The following TMEM132B variants were observed in gnomAD, a reference collection of about 807,000 sequenced individuals.
TMEM132B encodes the protein transmembrane protein 132B.
Under a neutral mutation model 90.8 loss-of-function variants are expected in TMEM132B, and 18 were observed. The ratio of observed to expected loss-of-function variants is 0.20; its 90% confidence interval spans 0.14 to 0.29. The LOEUF (loss-of-function observed/expected upper bound fraction) is 0.29, where lower values mean the gene tolerates loss of function less well. Ranked by LOEUF, TMEM132B falls within the 10% of genes least tolerant of loss-of-function variation. The probability of loss-of-function intolerance (pLI) is 1.00; values close to 1 mark genes in which losing one functional copy is unlikely to be tolerated. For synonymous variants in TMEM132B, 504 were observed against 523.3 expected, an observed-to-expected ratio of 0.96 and a Z score of 0.50; for missense variants, 1,096 against 1,326.8, an observed-to-expected ratio of 0.83 and a Z score of 2.70.
intron 2 of TMEM132B, among the ~76,000 whole-genome samples, chr12:125,357,147 GA>G (rs920863393): frequency 2.0e-5 from 3 of 152,144 alleles, no homozygotes; most frequent in Admixed American, 2.0e-4. Flanking sequence ...CAATGGCAAT[GA>G]ATAAATGAAT....
chr12:125,506,210 G>A (rs1477296646), intron 3 of TMEM132B, among the ~76,000 whole-genome samples: 4 of 152,142 alleles, frequency 2.6e-5, no homozygotes, highest in Admixed American at 2.6e-4. Flanking sequence ...GCTACTGATG[G>A]GCACACAAAC....
chr12:125,189,241 G>A (rs977173281), intron 1 of TMEM132B, among the ~76,000 whole-genome samples: 1 of 152,200 alleles, frequency 6.6e-6, no homozygotes, highest in African/African-American at 2.4e-5. Flanking sequence ...AGCGACTAGG[G>A]GGCCCCTATT....
At position 125,349,860 on chromosome 12, in the gene TMEM132B, A is replaced by T. The variant is rs1299211503; in HGVS notation, c.476A>T (p.Glu159Val). The T allele has an allele frequency of 1.2e-6, 2 of 1,613,562 alleles. No homozygotes were observed. Among genetic ancestry groups the T allele is most frequent in the Admixed American group, 1.7e-5 (1 of 59,984 alleles). Residue 159 changes from glutamate (E) to valine (V), a missense_variant, in exon 2 of 9, where the codon GAA becomes GTA. By Grantham distance (121) the Glu-to-Val change is moderately radical. Transcript: ENST00000682704. The surrounding 1 kb of genome is among the most constrained non-coding windows in gnomAD (Gnocchi z 4.1). ...GGCTGGGATGACAGTGACCTTACGG[A>T]AGATCTACCCTGTGTCAAGATGTTT... is the stretch of plus-strand genomic sequence containing the variant. ...GMGWDDSDLT[E>V]DLPCVKMFAF...
intron 3 of TMEM132B, among the ~76,000 whole-genome samples, chr12:125,434,342 CTT>C (rs1880635994): frequency 6.6e-6 from 1 of 152,340 alleles, no homozygotes; most frequent in African/African-American, 2.4e-5. Context: ...TGCAAAGTCC[CTT>C]TGACCATGTA....
chr12:125,461,684 A>G (rs537409888), intron 3 of TMEM132B, among the ~76,000 whole-genome samples: 1 of 152,328 alleles, frequency 6.6e-6, no homozygotes, highest in Admixed American at 6.5e-5. Flanking sequence ...ACTGGTTGTA[A>G]GCGGCTCTTT....
Position 125,642,273 on chromosome 12 carries a change from A to G in TMEM132B, c.1438-1803A>G, listed in dbSNP as rs187758976. On this transcript the variant is annotated intron_variant, in intron 5 of 8. Transcript: ENST00000682704. ...ACTCCATTTTCTTCTCTGAATGGAG[A>G]TCTTGTTCTGATTATTCTCTTTACA... is the stretch of plus-strand genomic sequence containing the variant. 2.4e-3 allele frequency among the ~76,000 whole-genome samples: 371 copies of G among 152,274 alleles called. 2 individuals are homozygous for G. Among genetic ancestry groups the G allele is most frequent in the African/African-American group, 7.6e-3 (314 of 41,558 alleles).
At chr12:125,574,973 G>C (rs1321214493) in intron 4 of TMEM132B, among the ~76,000 whole-genome samples, 2 of 146,398 alleles carry the variant, frequency 1.4e-5, no homozygotes, top group African/African-American at 5.0e-5. Context: ...GCTTTCAGTT[G>C]ATCCACAAGG....
At chr12:125,574,127 T>G (rs1480005998) in intron 4 of TMEM132B, among the ~76,000 whole-genome samples, 1 of 152,064 alleles carries the variant, frequency 6.6e-6, no homozygotes, top group Non-Finnish European at 1.5e-5. Flanking sequence ...GGCATCTCTC[T>G]CAGTAAAGAT....
intron 2 of TMEM132B, among the ~76,000 whole-genome samples, chr12:125,372,784 T>A (rs953536622): frequency 1.3e-5 from 2 of 152,172 alleles, no homozygotes; most frequent in Non-Finnish European, 2.9e-5. Context: ...CCAAGCTGCA[T>A]GTTCATGACG....
chr12:125,443,670 A>G (rs1247109758), intron 3 of TMEM132B, among the ~76,000 whole-genome samples: 1 of 152,224 alleles, frequency 6.6e-6, no homozygotes, highest in African/African-American at 2.4e-5. Context: ...ATTGAAATGG[A>G]AACATTATAA....
chr12:125,587,768 A>C lies in TMEM132B; in HGVS notation c.1437+3774A>C, dbSNP rs991822038. On this transcript the variant is annotated intron_variant, in intron 5 of 8. Coordinates refer to ENST00000682704, the MANE Select transcript of TMEM132B (RefSeq NM_001366854.1). ...TCCAGTCTCTAAAAATAAATAAGCA[A>C]CAAATGATAGACTTCACTCTCTCAC... 3.3e-5 allele frequency: 5 copies of C among 152,346 alleles called. No individual in the cohort carries two copies. In the East Asian group the frequency reaches 7.7e-4, roughly 23 times the overall value. 9.4% of individuals were successfully genotyped at this position (152,346 alleles called of 1,614,324 possible).
At chr12:125,398,799 C>T (rs1428449904) in intron 2 of TMEM132B, among the ~76,000 whole-genome samples, 2 of 152,182 alleles carry the variant, frequency 1.3e-5, no homozygotes, top group East Asian at 1.9e-4. Context: ...TTTATTATCT[C>T]ATCGTTTCTG....
chr12:125,407,782 G>A lies in TMEM132B; in HGVS notation c.960-7749G>A, dbSNP rs1356462614. 1.3e-5 allele frequency among the ~76,000 whole-genome samples: 2 copies of A among 152,194 alleles called. No individual in the cohort carries two copies. The highest frequency in any genetic ancestry group is 1.5e-5 in the Non-Finnish European group (1 of 68,032). ...TGTGTGTCTGGGGTGGTGACATTTG[G>A]GTTCACCTGGAGACCTACCAGTGAA... On this transcript the variant is annotated intron_variant, in intron 2 of 8. Coordinates refer to ENST00000682704, the MANE Select transcript of TMEM132B (RefSeq NM_001366854.1). The surrounding 1 kb of genome is among the most constrained non-coding windows in gnomAD (Gnocchi z 6.7).
chr12:125,332,756 A>C (rs1876824358), intron 1 of TMEM132B, among the ~76,000 whole-genome samples: 2 of 151,930 alleles, frequency 1.3e-5, no homozygotes, highest in African/African-American at 4.8e-5. Context: ...AGATTCACTA[A>C]AGTGGCTTCT....
chr12:125,370,329 G>GT (rs1187313143), intron 2 of TMEM132B, among the ~76,000 whole-genome samples: 3 of 152,230 alleles, frequency 2.0e-5, no homozygotes, highest in Non-Finnish European at 4.4e-5. Flanking sequence ...AGCCGCTGCA[G>GT]TTGTAGTCAT....
intron 1 of TMEM132B, among the ~76,000 whole-genome samples, chr12:125,314,085 G>T (rs139839002): frequency 6.6e-6 from 1 of 152,038 alleles, no homozygotes; most frequent in Admixed American, 6.5e-5. Context: ...CCTGGGCGGC[G>T]TGCGAACTCA....
At chr12:125,331,186 G>T (rs958671587) in intron 1 of TMEM132B, among the ~76,000 whole-genome samples, 1 of 152,236 alleles carries the variant, frequency 6.6e-6, no homozygotes, top group African/African-American at 2.4e-5. Flanking sequence ...CCTGGTCCGG[G>T]TGGGCTCAGT....
Position 125,315,442 on chromosome 12 carries a change from G to A in TMEM132B, c.68-34010G>A, listed in dbSNP as rs188976743. On this transcript the variant is annotated intron_variant, in intron 1 of 8. Coordinates refer to ENST00000682704, the MANE Select transcript of TMEM132B (RefSeq NM_001366854.1). The stretch of plus-strand genomic sequence containing the variant: ...TCGAACTCCTGACCTCAAGTGATCC[G>A]CCTGCCTCGGCCTCCCAAAGTGCTG... Among the ~76,000 whole-genome samples, 18 of 152,208 alleles carry A rather than the reference G, an allele frequency of 1.2e-4. No individual in the cohort carries two copies. In the East Asian group the frequency reaches 2.7e-3, roughly 23 times the overall value.
intron 1 of TMEM132B, among the ~76,000 whole-genome samples, chr12:125,191,608 T>C (rs946972936): frequency 6.6e-6 from 1 of 152,104 alleles, no homozygotes; most frequent in African/African-American, 2.4e-5. Context: ...CTTTGCCGAG[T>C]CTTTCACTTC....
Sources: gnomAD v4.1 joint callset for allele counts (sites outside exome capture counted in the v4.1 genomes callset) on GRCh38, gnomAD v4.1.1 for gene constraint, Gnocchi (gnomAD v3.1) non-coding constraint, MANE v1.5 for transcripts, NCBI Gene and HGNC (gene_info 2026-07-23, HGNC 2026-07-21) for gene names.